RAD50: variants seen among roughly 807,000 people sequenced by gnomAD.
RAD50 encodes DNA repair protein RAD50.
In RAD50, 132 loss-of-function variants were observed where a neutral mutation model predicts 168.8. The ratio of observed to expected loss-of-function variants is 0.78; its 90% confidence interval spans 0.68 to 0.90. The LOEUF is 0.90. RAD50 is among the 40% of genes least tolerant of loss of function. The probability of loss-of-function intolerance (pLI) is 0.00; values close to 1 mark genes in which losing one functional copy is unlikely to be tolerated. For missense variants in RAD50, 1,347 were observed against 1,534.4 expected, an observed-to-expected ratio of 0.88 and a Z score of 2.04; for synonymous variants, 525 against 497.4, an observed-to-expected ratio of 1.06 and a Z score of -0.74.
Position 132,588,910 on chromosome 5 carries a change from T to C in RAD50, c.1245+30T>C, listed in dbSNP as rs371027382. 133 of 1,581,672 alleles carry C rather than the reference T, an allele frequency of 8.4e-5. No individual in the cohort carries two copies. In the African/African-American group the frequency reaches 1.6e-3, roughly 19 times the overall value. ...GTATTTTGAAATACAGTATTTGTTA[T>C]TTTGTTTGCATCATATTCTCTACTT... is the stretch of plus-strand genomic sequence containing the variant. On this transcript the variant is annotated intron_variant, in intron 8 of 24. Coordinates refer to ENST00000378823, the MANE Select transcript of RAD50 (RefSeq NM_005732.4).
In RAD50 at chr5:132,559,358, C is replaced by T. The variant is rs28903084; in HGVS notation, c.204C>T (p.His68=). 1.2e-4 allele frequency: 190 copies of T among 1,607,832 alleles called. No homozygotes were observed. The highest frequency in any genetic ancestry group is 1.4e-4 in the Non-Finnish European group (162 of 1,176,872). The part of the protein sequence containing the change: ...PPGTKGNTFV[H]DPKVAQETDV... ...GAACCAAAGGAAATACATTTGTACACGATCCCAAGGTAATGGTGCTAGTAC... is the reference window on the plus strand; with the variant it reads ...GAACCAAAGGAAATACATTTGTACATGATCCCAAGGTAATGGTGCTAGTAC... Residue 68 remains histidine, a synonymous_variant, in exon 2 of 25, where the codon CAC becomes CAT. Transcript: ENST00000378823.
Position 132,609,341 on chromosome 5 carries a change from A to G in RAD50, c.2981A>G (p.Lys994Arg). 6.2e-7 allele frequency: 1 copy of G among 1,613,748 alleles called. No homozygotes were observed. The highest frequency in any genetic ancestry group is 8.5e-7 in the Non-Finnish European group (1 of 1,179,810). ...CAACTAAGTGAATGCGAGAAACACA[A>G]AGAAAAGATAAATGAAGATATGAGA... is the stretch of plus-strand genomic sequence containing the variant. ...IAQLSECEKH[K>R]EKINEDMRLM... The change falls in exon 19 of 25, where the codon AAA becomes AGA. Residue 994 changes from lysine (K) to arginine (R), a missense_variant. By Grantham distance (26) the Lys-to-Arg change is conservative (BLOSUM62 2). Coordinates refer to ENST00000378823, the MANE Select transcript of RAD50 (RefSeq NM_005732.4).
chr5:132,588,488 A>C (rs1450981565), intron 7 of RAD50, among the ~76,000 whole-genome samples, 199 bp from the exon 8 acceptor site: 1 of 152,198 alleles, frequency 6.6e-6, no homozygotes, highest in Non-Finnish European at 1.5e-5. Context: ...AAATTTGAAT[A>C]AGATTGATGA....
At chr5:132,614,676 A>AT (rs1318250571) in intron 19 of RAD50, among the ~76,000 whole-genome samples, 1 of 151,758 alleles carries the variant, frequency 6.6e-6, no homozygotes, top group Non-Finnish European at 1.5e-5. Flanking sequence ...TTAAATTTGT[A>AT]TTTTTTTATT....
chr5:132,563,722 A>G (rs1290758236), intron 2 of RAD50, among the ~76,000 whole-genome samples: 1 of 152,150 alleles, frequency 6.6e-6, no homozygotes, highest in Admixed American at 6.5e-5. Context: ...GAAGCAAGGA[A>G]TTGAGTACCG....
chr5:132,567,895 C>T (rs1750235107), intron 2 of RAD50, among the ~76,000 whole-genome samples: 1 of 152,010 alleles, frequency 6.6e-6, no homozygotes, highest in South Asian at 2.1e-4. Flanking sequence ...TAAAGGAAGC[C>T]TACTCAGTCG....
At chr5:132,625,089 C>CTT (rs1160789107) in intron 21 of RAD50, among the ~76,000 whole-genome samples, 5 of 140,574 alleles carry the variant, frequency 3.6e-5, no homozygotes, top group South Asian at 2.3e-4. Context: ...ATTTTGAATT[C>CTT]TTTTTTTTTT....
intron 19 of RAD50, 107 bp from the exon 20 acceptor site, chr5:132,615,896 G>A: frequency 9.1e-7 from 1 of 1,101,076 alleles, no homozygotes; most frequent in Non-Finnish European, 1.4e-6. Flanking sequence ...AATTTCACAT[G>A]ATTCTAAGTA....
At chr5:132,587,785 A>G (rs1750621019) in intron 6 of RAD50, 95 bp downstream of exon 6, 2 of 1,571,330 alleles carry the variant, frequency 1.3e-6, no homozygotes, top group African/African-American at 1.4e-5. Flanking sequence ...TTGGAAAAAA[A>G]CAAATACAGA....
intron 5 of RAD50, among the ~76,000 whole-genome samples, chr5:132,580,744 G>T (rs1271627966): frequency 6.6e-6 from 1 of 152,040 alleles, no homozygotes; most frequent in African/African-American, 2.4e-5. Context: ...TGTCTTCTTT[G>T]TACCAGGGTA....
Position 132,603,445 on chromosome 5 carries a change from G to T in RAD50, c.2353G>T (p.Ala785Ser). Residue 785 changes from alanine (A) to serine (S), a missense_variant, in exon 14 of 25, where the codon GCC becomes TCC. Physicochemically the swap from Ala to Ser is moderately conservative, Grantham distance 99 (BLOSUM62 1). This residue lies in a region of RAD50 where 635 missense variants were observed against 739.2 expected (regional missense o/e 0.86). Transcript: ENST00000378823. ...TACAATAATGCCTGAAGAAGAAAGTGCCAAAGTATGCCTGACAGATGTTAC... is the reference window on the plus strand; with the variant it reads ...TACAATAATGCCTGAAGAAGAAAGTTCCAAAGTATGCCTGACAGATGTTAC... ...LGTIMPEEES[A>S]KVCLTDVTIM... 1 of 1,613,940 alleles carries T rather than the reference G, an allele frequency of 6.2e-7. No homozygotes were observed. Among genetic ancestry groups the T allele is most frequent in the South Asian group, 1.1e-5 (1 of 91,080 alleles).
intron 2 of RAD50, among the ~76,000 whole-genome samples, 171 bp from the exon 3 acceptor site, chr5:132,575,602 AAATT>A (rs1440731182): frequency 6.6e-6 from 1 of 152,212 alleles, no homozygotes; most frequent in Non-Finnish European, 1.5e-5. Context: ...TCATTTTTGT[AAATT>A]AATTAAACAG....
At chr5:132,560,182 T>C (rs1236696723) in intron 2 of RAD50, among the ~76,000 whole-genome samples, 2 of 152,216 alleles carry the variant, frequency 1.3e-5, no homozygotes, top group Non-Finnish European at 2.9e-5. Flanking sequence ...CAAGCTTTTT[T>C]CTGCTTATAA....
chr5:132,631,914 C>T (rs1313500821), intron 21 of RAD50, among the ~76,000 whole-genome samples: 2 of 152,202 alleles, frequency 1.3e-5, no homozygotes, highest in East Asian at 3.8e-4. Context: ...GTAACTCTCA[C>T]CTATTACCGT....
chr5:132,636,788 C>G (rs1314943929), intron 21 of RAD50, among the ~76,000 whole-genome samples: 1 of 152,092 alleles, frequency 6.6e-6, no homozygotes, highest in Non-Finnish European at 1.5e-5. Context: ...AGAAAAAAGT[C>G]TAAAAAATTA....
intron 16 of RAD50, 27 bp downstream of exon 16, chr5:132,605,026 T>TA: frequency 6.9e-7 from 1 of 1,454,732 alleles, no homozygotes; most frequent in Non-Finnish European, 9.3e-7. Context: ...ATGTTTTTTG[T>TA]AAAATTATTT....
chr5:132,563,928 T>A (rs1316938706), intron 2 of RAD50, among the ~76,000 whole-genome samples: 4 of 152,216 alleles, frequency 2.6e-5, no homozygotes, highest in Admixed American at 6.5e-5. Context: ...CCTCCTGTTC[T>A]GGCCGTGTAA....
chr5:132,560,021 GTTTT>G (rs960266064), intron 2 of RAD50, among the ~76,000 whole-genome samples: 4 of 151,506 alleles, frequency 2.6e-5, no homozygotes, highest in Non-Finnish European at 5.9e-5. Context: ...CTATAGGTTT[GTTTT>G]TGCACATATA....
intron 19 of RAD50, among the ~76,000 whole-genome samples, chr5:132,613,330 C>G (rs997555022): frequency 5.3e-5 from 8 of 152,052 alleles, no homozygotes; most frequent in African/African-American, 1.7e-4. Flanking sequence ...CTGACTTGTC[C>G]AAGGTCACAA....
Sources: gnomAD v4.1 joint callset for allele counts (sites outside exome capture counted in the v4.1 genomes callset) on GRCh38, gnomAD v4.1.1 for gene constraint, gnomAD v4.1.1 regional missense constraint, MANE v1.5 for transcripts, NCBI Gene and HGNC (gene_info 2026-07-23, HGNC 2026-07-21) for gene names.